The following SOX5 variants were observed in gnomAD, a reference collection of about 807,000 sequenced individuals.
SOX5 encodes SRY-box transcription factor 5, also known as transcription factor SOX-5.
SOX5 carries 9 observed loss-of-function variants against 92.0 expected under a neutral mutation model. That is an observed-to-expected ratio of 0.10 (90% CI 0.06 to 0.17). The LOEUF (loss-of-function observed/expected upper bound fraction) is 0.17. Ranked by LOEUF, SOX5 falls within the 10% of genes least tolerant of loss-of-function variation. The pLI is 1.00. For missense variants in SOX5, 642 were observed against 944.5 expected (o/e 0.68, Z 4.20); for synonymous variants, 344 against 336.3 (o/e 1.02, Z -0.25).
intron 2 of SOX5, among the ~76,000 whole-genome samples, chr12:24,325,903 C>T (rs567937967): frequency 1.5e-3 from 228 of 152,182 alleles, no homozygotes; most frequent in Non-Finnish European, 2.8e-3. Flanking sequence ...CACGTGCACG[C>T]GCGCGCGTGT....
At chr12:23,727,116 A>G (rs1242735753) in intron 6 of SOX5, among the ~76,000 whole-genome samples, 2 of 152,144 alleles carry the variant, frequency 1.3e-5, no homozygotes, top group African/African-American at 4.8e-5. Context: ...CATTAAATGC[A>G]TTTTTTAGTG....
intron 1 of SOX5, among the ~76,000 whole-genome samples, chr12:24,439,000 C>G (rs1263424899): frequency 6.6e-6 from 1 of 152,160 alleles, no homozygotes; most frequent in African/African-American, 2.4e-5. Flanking sequence ...AGAAATCTTT[C>G]AAGAAAGGAA....
chr12:23,977,140 A>T (rs1056790373), intron 4 of SOX5, among the ~76,000 whole-genome samples: 9 of 152,220 alleles, frequency 5.9e-5, no homozygotes, highest in Non-Finnish European at 8.8e-5. Flanking sequence ...AAGAGCTATC[A>T]TCTATAATTT....
At chr12:23,620,697 T>C (rs985919791) in intron 8 of SOX5, among the ~76,000 whole-genome samples, 1 of 152,064 alleles carries the variant, frequency 6.6e-6, no homozygotes, top group Non-Finnish European at 1.5e-5. Context: ...CACACTCCAA[T>C]AGCACCTTGC....
chr12:23,957,745 C>T (rs1339201637), intron 4 of SOX5, among the ~76,000 whole-genome samples: 1 of 152,024 alleles, frequency 6.6e-6, no homozygotes, highest in Non-Finnish European at 1.5e-5. Flanking sequence ...GGACTATGCA[C>T]AGGATGAAAA....
chr12:23,724,280 G>T (rs12315048), intron 6 of SOX5, among the ~76,000 whole-genome samples: 1 of 151,584 alleles, frequency 6.6e-6, no homozygotes, highest in Admixed American at 6.6e-5. Context: ...TAACACACAC[G>T]CATACACACA....
At chr12:24,476,213 C>T (rs1173191941) in intron 1 of SOX5, among the ~76,000 whole-genome samples, 1 of 152,104 alleles carries the variant, frequency 6.6e-6, no homozygotes, top group African/African-American at 2.4e-5. Context: ...TGACTGAATC[C>T]TTGTATGTCT....
intron 6 of SOX5, among the ~76,000 whole-genome samples, chr12:23,689,085 A>G (rs1459164733): frequency 6.6e-6 from 1 of 152,128 alleles, no homozygotes; most frequent in Non-Finnish European, 1.5e-5. Flanking sequence ...GCTCTTTCAC[A>G]TATCTAACGG....
chr12:24,131,991 C>A (rs1175785504), intron 4 of SOX5, among the ~76,000 whole-genome samples: 6 of 152,260 alleles, frequency 3.9e-5, no homozygotes, highest in African/African-American at 9.6e-5. Context: ...GGAGCACGAC[C>A]ACATCCTTGT....
intron 8 of SOX5, among the ~76,000 whole-genome samples, chr12:23,610,725 TGA>T (rs1305613486): frequency 1.3e-5 from 2 of 152,046 alleles, no homozygotes; most frequent in African/African-American, 4.8e-5. Flanking sequence ...TTCATTTGCT[TGA>T]GAGGAAAAAA....
At chr12:23,680,434 C>T (rs924581061) in intron 6 of SOX5, among the ~76,000 whole-genome samples, 2 of 147,672 alleles carry the variant, frequency 1.4e-5, no homozygotes, top group Non-Finnish European at 3.0e-5. Context: ...TAAAAGAAAT[C>T]CAAAGAAATG....
intron 6 of SOX5, among the ~76,000 whole-genome samples, chr12:23,705,812 G>A (rs542163525): frequency 3.2e-4 from 48 of 152,154 alleles, no homozygotes; most frequent in Non-Finnish European, 6.8e-4. Flanking sequence ...TTAACTGCAT[G>A]CAGGAAGAAA....
intron 3 of SOX5, among the ~76,000 whole-genome samples, chr12:24,225,941 C>T (rs368723466): frequency 4.9e-4 from 75 of 152,166 alleles, no homozygotes; most frequent in African/African-American, 1.5e-3. Context: ...ATCAAAGAAA[C>T]GTAAAGTTTA....
chr12:24,099,081 T>C (rs1309787285), intron 4 of SOX5, among the ~76,000 whole-genome samples: 1 of 152,188 alleles, frequency 6.6e-6, no homozygotes, highest in Non-Finnish European at 1.5e-5. Flanking sequence ...CCCCAATCTC[T>C]GGCTAGGGTC....
At chr12:24,128,032 G>T (rs1949281642) in intron 4 of SOX5, among the ~76,000 whole-genome samples, 1 of 152,170 alleles carries the variant, frequency 6.6e-6, no homozygotes, top group Admixed American at 6.5e-5. Flanking sequence ...CTAGTTTTTA[G>T]TGGTGGTATT....
chr12:23,600,530 TATATATATATATATATATATATACAC>T (rs1258538482), intron 9 of SOX5, among the ~76,000 whole-genome samples: 2 of 111,750 alleles, frequency 1.8e-5, no homozygotes, highest in African/African-American at 6.6e-5. Context: ...TGCATATATA[TATATATATATATATATATATATACAC>T]ATACTTGGCT....
intron 1 of SOX5, among the ~76,000 whole-genome samples, chr12:23,914,758 C>T (rs1206002915): frequency 6.6e-6 from 1 of 152,004 alleles, no homozygotes; most frequent in Non-Finnish European, 1.5e-5. Flanking sequence ...TTTAGCTTAA[C>T]TTTTTTATTA....
intron 8 of SOX5, among the ~76,000 whole-genome samples, chr12:23,609,645 T>C (rs2075715201): frequency 6.6e-6 from 1 of 152,150 alleles, no homozygotes; most frequent in Non-Finnish European, 1.5e-5. Context: ...TTTATCCTTT[T>C]AAGAAAGCCA....
At chr12:24,464,574 C>T (rs370003476) in intron 1 of SOX5, among the ~76,000 whole-genome samples, 2 of 152,206 alleles carry the variant, frequency 1.3e-5, no homozygotes, top group Admixed American at 6.5e-5. Context: ...ATCTCCTGAC[C>T]TTGTGATCCA....
Sources: allele counts gnomAD v4.1 joint callset (sites outside exome capture counted in the v4.1 genomes callset), GRCh38; gene constraint gnomAD v4.1.1; transcripts MANE v1.5; gene names NCBI Gene and HGNC (gene_info 2026-07-23, HGNC 2026-07-21).